Variants in CSRNP2 observed in about 807,000 individuals in gnomAD.
CSRNP2 encodes cysteine/serine-rich nuclear protein 2.
CSRNP2 carries 11 observed loss-of-function variants against 36.6 expected under a neutral mutation model. The observed-to-expected ratio is 0.30, with a 90% confidence interval of 0.19 to 0.50. The LOEUF is 0.50. CSRNP2 is among the 20% of genes least tolerant of loss of function. The pLI is 0.98. For synonymous variants in CSRNP2, 248 were observed against 275.3 expected (o/e 0.90, Z 0.98); for missense variants, 483 against 691.4 (o/e 0.70, Z 3.38).
chr12:51,070,313 T>C (rs2136892592), intron 3 of CSRNP2, among the ~76,000 whole-genome samples: 1 of 152,178 alleles, frequency 6.6e-6, no homozygotes, highest in South Asian at 2.1e-4. Flanking sequence ...GGTAGAGAAA[T>C]GAAGAGAAGT....
At chr12:51,064,695 C>A (rs1937927482) in intron 4 of CSRNP2, 26 bp from the exon 5 acceptor site, 1 of 1,492,338 alleles carries the variant, frequency 6.7e-7, no homozygotes, top group Non-Finnish European at 8.9e-7. Context: ...AAGGTTGGGG[C>A]AAGATGAGAC....
intron 1 of CSRNP2, among the ~76,000 whole-genome samples, chr12:51,079,769 C>CAAAAAAAA (rs35767986): frequency 1.1e-4 from 4 of 35,024 alleles, no homozygotes; most frequent in Admixed American, 5.4e-4. Context: ...GAGACCTTGT[C>CAAAAAAAA]AAAAAAAAAA....
chr12:51,071,353 G>A (rs923727649), intron 3 of CSRNP2, among the ~76,000 whole-genome samples: 2 of 151,580 alleles, frequency 1.3e-5, no homozygotes, highest in African/African-American at 4.9e-5. Flanking sequence ...CAGGAGGATC[G>A]CTTGAGGATT....
At chr12:51,074,148 C>T (rs1454159955) in intron 2 of CSRNP2, 66 bp from the exon 3 acceptor site, 8 of 1,510,328 alleles carry the variant, frequency 5.3e-6, no homozygotes, top group African/African-American at 4.2e-5. Flanking sequence ...GATGGAGTCT[C>T]GCTCTGTTGC....
intron 1 of CSRNP2, among the ~76,000 whole-genome samples, chr12:51,077,061 G>C (rs1178075406): frequency 9.1e-6 from 1 of 109,856 alleles, no homozygotes; most frequent in African/African-American, 3.2e-5. Context: ...AAAAAAAAAA[G>C]GAAAAAAAGA....
In CSRNP2 at chr12:51,076,611, C is replaced by G; in HGVS notation, c.-50G>C. On this transcript the variant is annotated 5_prime_UTR_variant, in exon 2 of 5. Transcript: ENST00000228515. ...GAGCCCACCAAGTTGGCCCCAAAGC[C>G]CCTACTCACCACCAGCTAGCCAGGT... 1 of 1,606,906 alleles carries G rather than the reference C, an allele frequency of 6.2e-7. No homozygotes were observed. The highest frequency in any genetic ancestry group is 1.1e-5 in the South Asian group (1 of 90,836).
At chr12:51,083,020 C>T (rs1054226395) in intron 1 of CSRNP2, 2 of 152,414 alleles carry the variant, frequency 1.3e-5, no homozygotes, top group African/African-American at 4.8e-5. Flanking sequence ...CATCCTACAT[C>T]ATTCTCCACT....
chr12:51,068,758 C>A (rs1680839856), intron 3 of CSRNP2, among the ~76,000 whole-genome samples: 1 of 151,904 alleles, frequency 6.6e-6, no homozygotes, highest in African/African-American at 2.4e-5. Flanking sequence ...CAACTTGCAC[C>A]CACTGAATGC....
At chr12:51,079,173 T>A (rs1592771217) in intron 1 of CSRNP2, among the ~76,000 whole-genome samples, 1 of 151,568 alleles carries the variant, frequency 6.6e-6, no homozygotes, top group Non-Finnish European at 1.5e-5. Context: ...AATTGAACAA[T>A]GAGAACACAT....
In CSRNP2 at chr12:51,069,287, C is replaced by CTT. The variant is rs71089740; in HGVS notation, c.412-1320_412-1319dup. 3.0e-3 allele frequency among the ~76,000 whole-genome samples: 368 copies of CTT among 121,282 alleles called. 9 individuals are homozygous for CTT. Among genetic ancestry groups the CTT allele is most frequent in the African/African-American group, 7.5e-3 (241 of 31,978 alleles). 79.6% of individuals were successfully genotyped at this position (121,282 alleles called of 152,430 possible). A position where few individuals can be genotyped will look rare whatever the true frequency, so the allele number is the denominator to read the frequency against. On this transcript the variant is annotated intron_variant, in intron 3 of 4. Coordinates refer to ENST00000228515, the MANE Select transcript of CSRNP2 (RefSeq NM_030809.3). ...ACCGTGCCCGGCTTCCTTCTCCTTT[C>CTT]TTTTTTTTTTTTTTTTTTTTGAGAC...
Position 51,062,081 on chromosome 12 carries a change from G to C in CSRNP2, c.*1665C>G, listed in dbSNP as rs531515556. On this transcript the variant is annotated 3_prime_UTR_variant, in exon 5 of 5. Coordinates refer to ENST00000228515, the MANE Select transcript of CSRNP2 (RefSeq NM_030809.3). ...GCAAAAACTGGAACAAATAGGAAAG[G>C]CAGAATGAACTAAAAAATGTTATGT... 6.6e-6 allele frequency: 1 copy of C among 152,274 alleles called. No individual in the cohort carries two copies. The highest frequency in any genetic ancestry group is 6.5e-5 in the Admixed American group (1 of 15,290). 9.4% of individuals were successfully genotyped at this position (152,274 alleles called of 1,614,324 possible). A position where few individuals can be genotyped will look rare whatever the true frequency, so the allele number is the denominator to read the frequency against.
At position 51,064,165 on chromosome 12, in the gene CSRNP2, T is replaced by A; in HGVS notation, c.1213A>T (p.Thr405Ser). 1.2e-6 allele frequency: 2 copies of A among 1,614,126 alleles called. No individual in the cohort carries two copies. The highest frequency in any genetic ancestry group is 1.7e-6 in the Non-Finnish European group (2 of 1,180,012). ...TTCAAGTAGGATGGGCTGTTCACCG[T>A]TGAGGCAGTTGGGTGGTCTGAGTTC... ...TENSDHPTAS[T>S]VNSPSYLNSG... Residue 405 changes from threonine (T) to serine (S), a missense_variant, in exon 5 of 5, where the codon ACG (threonine) becomes TCG (serine). Coordinates refer to ENST00000228515, the MANE Select transcript of CSRNP2 (RefSeq NM_030809.3).
chr12:51,064,008 G>T lies in CSRNP2; in HGVS notation c.1370C>A (p.Thr457Asn). Residue 457 changes from threonine to asparagine, a missense_variant, in exon 5 of 5, where the codon ACC (threonine) becomes AAC (asparagine). Thr to Asn is a moderately conservative substitution (Grantham distance 65). Transcript: ENST00000228515. ...TGTGGAGCTACAAGCCACGAGTGAG[G>T]TAACAGGGAGAGAGAAGACATTCAG... is the stretch of plus-strand genomic sequence containing the variant. ...KDLNVFSLPV[T>N]SLVACSSTDP... is the part of the protein sequence containing the mutation. 1 of 1,614,218 alleles carries T rather than the reference G, an allele frequency of 6.2e-7. No individual in the cohort carries two copies. The highest frequency in any genetic ancestry group is 1.3e-5 in the African/African-American group (1 of 75,064).
chr12:51,077,579 C>T (rs1196036942), intron 1 of CSRNP2, among the ~76,000 whole-genome samples: 1 of 152,112 alleles, frequency 6.6e-6, no homozygotes, highest in Admixed American at 6.5e-5. Flanking sequence ...ACCCTTTACC[C>T]AGATCTTCAT....
chr12:51,063,617 C>G lies in CSRNP2; in HGVS notation c.*129G>C, dbSNP rs1488733443. ...AATACTCAAACAATCCTTTCCCACC[C>G]ATTCCCCAAAGACCCCAATAAAATA... is the stretch of plus-strand genomic sequence containing the variant. On this transcript the variant is annotated 3_prime_UTR_variant, in exon 5 of 5. Coordinates refer to ENST00000228515, the MANE Select transcript of CSRNP2 (RefSeq NM_030809.3). 1 of 714,282 alleles carries G rather than the reference C, an allele frequency of 1.4e-6. No homozygotes were observed. Among genetic ancestry groups the G allele is most frequent in the East Asian group, 2.8e-5 (1 of 36,330 alleles). The allele number at this position is 714,282 out of a possible 1,614,324, so 44.2% of individuals were successfully genotyped here.
chr12:51,073,731 A>G, intron 3 of CSRNP2, 92 bp downstream of exon 3: 5 of 742,980 alleles, frequency 6.7e-6, no homozygotes, highest in Admixed American at 4.3e-5. Flanking sequence ...GTCCCAGAAA[A>G]AAAAAAAAAA....
intron 1 of CSRNP2, among the ~76,000 whole-genome samples, chr12:51,078,551 A>C (rs999291855): frequency 4.6e-5 from 7 of 152,166 alleles, no homozygotes; most frequent in Non-Finnish European, 8.8e-5. Flanking sequence ...TTATGGGTTA[A>C]GATTTTAGCT....
chr12:51,078,192 T>G (rs1939470168), intron 1 of CSRNP2, among the ~76,000 whole-genome samples: 1 of 152,250 alleles, frequency 6.6e-6, no homozygotes, highest in Non-Finnish European at 1.5e-5. Flanking sequence ...GCTGCTTTTC[T>G]GGACTGTGTC....
chr12:51,082,363 C>A (rs532103051), intron 1 of CSRNP2, among the ~76,000 whole-genome samples: 131 of 152,270 alleles, frequency 8.6e-4, no homozygotes, highest in Admixed American at 1.3e-3. Flanking sequence ...AAACTACCAT[C>A]GTGTGGAAGA....
Sources: allele counts gnomAD v4.1 joint callset (sites outside exome capture counted in the v4.1 genomes callset), GRCh38; gene constraint gnomAD v4.1.1; transcripts MANE v1.5; gene names NCBI Gene and HGNC (gene_info 2026-07-23, HGNC 2026-07-21).